The following GUCY2C variants were observed in gnomAD, a reference collection of about 807,000 sequenced individuals.
The protein encoded by GUCY2C is guanylyl cyclase C.
A neutral mutation model predicts 131.1 loss-of-function variants in GUCY2C; 118 were observed. That is an observed-to-expected ratio of 0.90 (90% CI 0.78 to 1.05). GUCY2C has a LOEUF of 1.05. GUCY2C is among the 50% of genes least tolerant of loss of function. The pLI is 0.00. For missense variants in GUCY2C, 1,161 were observed against 1,304.4 expected (o/e 0.89, Z 1.69); for synonymous variants, 452 against 457.8 (o/e 0.99, Z 0.16).
Position 14,633,649 on chromosome 12 carries a change from A to G in GUCY2C, c.2158-4912T>C, listed in dbSNP as rs1177958496. Among the ~76,000 whole-genome samples the G allele has an allele frequency of 2.2e-4, 16 of 71,384 alleles. No individual in the cohort carries two copies. In the Admixed American group the frequency reaches 3.5e-3, roughly 16 times the overall value. 46.8% of individuals were successfully genotyped at this position (71,384 alleles called of 152,430 possible). ...CAGTGAGATATGGGAGAATACAGAA[A>G]AATAATACAAAGAAATAAAAAAAAT... On this transcript the variant is annotated intron_variant, in intron 19 of 26. Transcript: ENST00000261170.
intron 10 of GUCY2C, among the ~76,000 whole-genome samples, chr12:14,666,997 T>C (rs1431196962): frequency 6.6e-6 from 1 of 152,102 alleles, no homozygotes. Context: ...TAATGTTCAC[T>C]TTAGGAACAC....
intron 2 of GUCY2C, among the ~76,000 whole-genome samples, chr12:14,687,554 A>G (rs1948495004): frequency 6.6e-6 from 1 of 152,204 alleles, no homozygotes; most frequent in South Asian, 2.1e-4. Flanking sequence ...CCAGGAGCTC[A>G]ACCTGCAGTG....
intron 26 of GUCY2C, among the ~76,000 whole-genome samples, chr12:14,614,168 C>A (rs1360414830): frequency 2.0e-5 from 3 of 152,100 alleles, no homozygotes; most frequent in African/African-American, 7.2e-5. Flanking sequence ...GTCTTCTGTT[C>A]TCCCGAGCAA....
At chr12:14,615,465 G>A (rs1430011943) in intron 25 of GUCY2C, among the ~76,000 whole-genome samples, 1 of 151,850 alleles carries the variant, frequency 6.6e-6, no homozygotes, top group East Asian at 1.9e-4. Flanking sequence ...CGGAATGTAT[G>A]GAAATTTACT....
chr12:14,650,234 T>TTTA (rs562790695), intron 15 of GUCY2C, among the ~76,000 whole-genome samples: 7 of 152,022 alleles, frequency 4.6e-5, no homozygotes, highest in African/African-American at 9.7e-5. Context: ...ACTTCAATTG[T>TTTA]TTATTATTAT....
At chr12:14,678,234 A>G (rs1948280393) in intron 6 of GUCY2C, among the ~76,000 whole-genome samples, 1 of 152,236 alleles carries the variant, frequency 6.6e-6, no homozygotes, top group African/African-American at 2.4e-5. Context: ...CTCATTTTAC[A>G]AATGGGAAGA....
chr12:14,663,294 T>C (rs115135807), intron 10 of GUCY2C, among the ~76,000 whole-genome samples: 4,024 of 152,298 alleles, frequency 0.026, 115 homozygotes, highest in African/African-American at 0.069. Flanking sequence ...TTCTTTTTAT[T>C]TTTCTGAGAC....
intron 19 of GUCY2C, among the ~76,000 whole-genome samples, chr12:14,638,960 A>G (rs777096812): frequency 1.3e-5 from 2 of 152,134 alleles, no homozygotes; most frequent in Non-Finnish European, 2.9e-5. Context: ...ACAAAATATC[A>G]CATATACCCC....
At chr12:14,677,664 A>C (rs892553277) in intron 6 of GUCY2C, among the ~76,000 whole-genome samples, 1 of 151,616 alleles carries the variant, frequency 6.6e-6, no homozygotes, top group Non-Finnish European at 1.5e-5. Flanking sequence ...TCCGCCTCCC[A>C]GGTTCAAGCA....
intron 19 of GUCY2C, among the ~76,000 whole-genome samples, chr12:14,632,856 G>C (rs543763286): frequency 6.6e-6 from 1 of 152,100 alleles, no homozygotes; most frequent in South Asian, 2.1e-4. Flanking sequence ...CATCTTCTGG[G>C]GGCCACATAA....
Position 14,613,123 on chromosome 12 carries a change from A to T in GUCY2C, c.3216T>A (p.Tyr1072Ter). 6.2e-7 allele frequency: 1 copy of T among 1,612,690 alleles called. No individual in the cohort carries two copies. The highest frequency in any genetic ancestry group is 1.1e-5 in the South Asian group (1 of 91,060). ...QLNTTDKESTYF is the reference protein window; with the variant it reads ...QLNTTDKEST Reference sequence around the variant, plus strand: ...CCTTATACCTCATTTAGGTTTAAAAATAGGTGCTCTCCTTGTCTGTGGTAT... The same window carrying T: ...CCTTATACCTCATTTAGGTTTAAAATTAGGTGCTCTCCTTGTCTGTGGTAT... Residue 1072 changes from tyrosine to a stop codon, truncating the protein, a stop_gained, in exon 27 of 27, where the codon TAT (tyrosine) becomes TAA (stop). Coordinates refer to ENST00000261170, the MANE Select transcript of GUCY2C (RefSeq NM_004963.4). LOFTEE classifies it high-confidence loss of function. This position sits in a 1 kb window ranked among gnomAD's most constrained non-coding sequence, Gnocchi z 4.9.
At chr12:14,661,465 G>A (rs2137054352) in intron 10 of GUCY2C, among the ~76,000 whole-genome samples, 1 of 152,162 alleles carries the variant, frequency 6.6e-6, no homozygotes, top group Non-Finnish European at 1.5e-5. Flanking sequence ...TTGAGACAGA[G>A]TTTCACTCTG....
intron 13 of GUCY2C, 37 bp from the exon 14 acceptor site, chr12:14,652,067 G>T (rs1230133001): frequency 4.2e-6 from 5 of 1,194,962 alleles, no homozygotes; most frequent in Non-Finnish European, 6.2e-6. Context: ...ACAGTGTTGT[G>T]GTGTAACTCT....
At chr12:14,679,525 T>G (rs895125004) in intron 6 of GUCY2C, 132 bp downstream of exon 6, 3 of 593,488 alleles carry the variant, frequency 5.1e-6, no homozygotes, top group African/African-American at 3.7e-5. Context: ...TGTGACAGAG[T>G]TCAAATATTA....
intron 3 of GUCY2C, among the ~76,000 whole-genome samples, chr12:14,684,586 T>A (rs1281697601): frequency 8.4e-6 from 1 of 119,708 alleles, no homozygotes; most frequent in Admixed American, 9.4e-5. Flanking sequence ...CCTTCCTTCC[T>A]TCCTTCCTTC....
At chr12:14,679,514 G>C in intron 6 of GUCY2C, 143 bp downstream of exon 6, 1 of 585,996 alleles carries the variant, frequency 1.7e-6, no homozygotes, top group Non-Finnish European at 3.1e-6. Context: ...AAGAATGACA[G>C]TGTGACAGAG....
rs540568763 is a variant in GUCY2C at position 14,639,959 on chromosome 12, G to A, written c.2069-9C>T. The A allele has an allele frequency of 2.5e-4, 392 of 1,539,410 alleles. 7 individuals carry two copies. In the South Asian group the frequency reaches 4.1e-3, roughly 16 times the overall value. On this transcript the variant is annotated splice_polypyrimidine_tract_variant and intron_variant, in intron 18 of 26. Transcript: ENST00000261170. ...CACTCTGAAAATCTTCTCTGGTTGG[G>A]TGAGAAAAATATAAATTACAAAGAA... is the stretch of plus-strand genomic sequence containing the variant.
chr12:14,636,200 C>T (rs1947266758), intron 19 of GUCY2C, among the ~76,000 whole-genome samples: 1 of 151,918 alleles, frequency 6.6e-6, no homozygotes. Flanking sequence ...CAAAAATCCT[C>T]CAAGAAAAAA....
intron 3 of GUCY2C, among the ~76,000 whole-genome samples, 179 bp downstream of exon 3, chr12:14,685,982 C>T (rs1420279356): frequency 6.6e-6 from 1 of 152,194 alleles, no homozygotes; most frequent in African/African-American, 2.4e-5. Flanking sequence ...TGGCTACAGA[C>T]ATTCACTCCA....
Sources: allele counts gnomAD v4.1 joint callset (sites outside exome capture counted in the v4.1 genomes callset), GRCh38; gene constraint gnomAD v4.1.1; non-coding constraint Gnocchi (gnomAD v3.1); transcripts MANE v1.5; gene names NCBI Gene and HGNC (gene_info 2026-07-23, HGNC 2026-07-21).